Variants in KIF17 observed in about 807,000 individuals in gnomAD.
KIF17 encodes kinesin family member 17.
KIF17 carries 80 observed loss-of-function variants against 96.8 expected under a neutral mutation model. The ratio of observed to expected loss-of-function variants is 0.83; its 90% CI spans 0.69 to 1.00. The LOEUF (loss-of-function observed/expected upper bound fraction) is 1.00, where lower values mean the gene tolerates loss of function less well. Ranked by LOEUF, KIF17 falls within the 50% of genes least tolerant of loss-of-function variation. The pLI is 0.00. For missense variants in KIF17, 1,280 were observed against 1,372.9 expected, an observed-to-expected ratio of 0.93 and a Z score of 1.07; for synonymous variants, 567 against 587.5, an observed-to-expected ratio of 0.97 and a Z score of 0.51.
intron 6 of KIF17, among the ~76,000 whole-genome samples, chr1:20,695,073 GAC>G (rs1195728878): frequency 2.0e-5 from 3 of 151,704 alleles, no homozygotes; most frequent in African/African-American, 7.3e-5. Flanking sequence ...TGCACCCACA[GAC>G]ACACATGCAC....
chr1:20,694,705 C>T (rs535696), intron 6 of KIF17, among the ~76,000 whole-genome samples: 84,459 of 152,064 alleles, frequency 0.56, 24,808 homozygotes, highest in East Asian at 0.79. Context: ...GATGTAACCA[C>T]GCATTCTTTA....
Position 20,687,296 on chromosome 1 carries a change from G to A in KIF17, c.1938+92C>T. The A allele has an allele frequency of 2.2e-6, 3 of 1,384,954 alleles. No homozygotes were observed. The highest frequency in any genetic ancestry group is 2.3e-5 in the East Asian group (1 of 43,794). The allele number at this position is 1,384,954 out of a possible 1,614,324, so 85.8% of individuals were successfully genotyped here. ...CCACGGCCTGAGTGTCGGAGGCCAT[G>A]TGTGTGAACAGTGTGTGCACAGTGA... On this transcript the variant is annotated intron_variant, in intron 8 of 14. Transcript: ENST00000400463. The surrounding 1 kb of genome is among the most constrained non-coding windows in gnomAD (Gnocchi z 4.4).
Position 20,717,529 on chromosome 1 carries a change from C to A in KIF17, c.178G>T (p.Val60Leu). 6.2e-7 allele frequency: 1 copy of A among 1,611,656 alleles called. No individual in the cohort carries two copies. The highest frequency in any genetic ancestry group is 8.5e-7 in the Non-Finnish European group (1 of 1,179,518). The change falls in exon 1 of 15, where the codon GTG becomes TTG. Residue 60 changes from valine (V) to leucine (L), a missense_variant. Physicochemically the swap from Val to Leu is conservative, Grantham distance 32. Coordinates refer to ENST00000400463, the MANE Select transcript of KIF17 (RefSeq NM_001122819.3). Reference sequence around the variant, plus strand: ...TAGATCTGCTCGGTGACGTGGTCCACGTGGTAGGCGCCGTCGAAGGTGAAC... The same window carrying A: ...TAGATCTGCTCGGTGACGTGGTCCAAGTGGTAGGCGCCGTCGAAGGTGAAC... ...KQFTFDGAYHVDHVTEQIYNE... is the reference protein window; with the variant it reads ...KQFTFDGAYHLDHVTEQIYNE...
At chr1:20,702,872 C>T (rs2054261916) in intron 5 of KIF17, among the ~76,000 whole-genome samples, 1 of 152,192 alleles carries the variant, frequency 6.6e-6, no homozygotes, top group Admixed American at 6.5e-5. Context: ...ATTGGAGTGT[C>T]CTTCTTCCTC....
At chr1:20,713,371 CT>C in intron 3 of KIF17, 82 bp downstream of exon 3, 2 of 1,025,808 alleles carry the variant, frequency 1.9e-6, no homozygotes, top group Non-Finnish European at 3.0e-6. Context: ...CCTCAGGACA[CT>C]TTCCCATATT....
In KIF17 at chr1:20,709,415, CAGTG is replaced by C. The variant is rs1218858840; in HGVS notation, c.670+220_670+223del. 6.6e-6 allele frequency among the ~76,000 whole-genome samples: 1 copy of C among 152,162 alleles called. No homozygotes were observed. Among genetic ancestry groups the C allele is most frequent in the African/African-American group, 2.4e-5 (1 of 41,440 alleles). ...AAATAAATAAAAATTGTCTGGCACACAGTGAGCGCTCAATGTTGGCTCCCAGTGT... is the reference window on the plus strand; with the variant it reads ...AAATAAATAAAAATTGTCTGGCACACAGCGCTCAATGTTGGCTCCCAGTGT... On this transcript the variant is annotated intron_variant, in intron 4 of 14. Transcript: ENST00000400463. This position sits in a 1 kb window ranked among gnomAD's most constrained non-coding sequence, Gnocchi z 4.7.
intron 8 of KIF17, 108 bp from the exon 9 acceptor site, chr1:20,686,234 C>G: frequency 1.2e-6 from 1 of 819,678 alleles, no homozygotes; most frequent in Middle Eastern, 3.3e-4. Flanking sequence ...CTCCCACCAC[C>G]CCCCAACCTC....
At chr1:20,698,983 T>A (rs2054189253) in intron 5 of KIF17, among the ~76,000 whole-genome samples, 1 of 152,164 alleles carries the variant, frequency 6.6e-6, no homozygotes, top group Non-Finnish European at 1.5e-5. Flanking sequence ...AGGGTCTTGC[T>A]CTGCCACCCA....
intron 11 of KIF17, among the ~76,000 whole-genome samples, chr1:20,676,994 T>C (rs559482451): frequency 2.0e-5 from 3 of 152,216 alleles, no homozygotes; most frequent in East Asian, 3.9e-4. Context: ...GAGGATCACT[T>C]GAGCCCAGGA....
intron 11 of KIF17, 92 bp downstream of exon 11, chr1:20,682,561 C>A (rs1043931828): frequency 1.2e-5 from 13 of 1,052,268 alleles, no homozygotes; most frequent in Non-Finnish European, 1.9e-5. Context: ...TAGAGGGCTG[C>A]CTGGCTTCCT....
rs2054314748 is a variant in KIF17, at chr1:20,704,870, C to G, written c.700G>C (p.Gly234Arg). The change falls in exon 5 of 15, where the codon GGC (glycine) becomes CGC (arginine). Residue 234 changes from glycine (G) to arginine (R), a missense_variant. Transcript: ENST00000400463. This position sits in a 1 kb window ranked among gnomAD's most constrained non-coding sequence, Gnocchi z 6.8. ...DERGKDHLRA[G>R]KLNLVDLAGS... is the part of the protein sequence containing the mutation. ...GCCAGGTCCACCAGGTTCAGCTTGC[C>G]CGCCCGGAGGTGGTCCTTGCCCCGC... 1 of 1,601,772 alleles carries G rather than the reference C, an allele frequency of 6.2e-7. No individual in the cohort carries two copies. Among genetic ancestry groups the G allele is most frequent in the South Asian group, 1.1e-5 (1 of 91,084 alleles).
intron 4 of KIF17, among the ~76,000 whole-genome samples, chr1:20,708,468 C>A (rs2054380990): frequency 6.6e-6 from 1 of 152,150 alleles, no homozygotes; most frequent in Non-Finnish European, 1.5e-5. Context: ...TAATTCCTGA[C>A]CCTGATCCCT....
At chr1:20,679,444 C>T (rs576919610) in intron 11 of KIF17, among the ~76,000 whole-genome samples, 2 of 152,150 alleles carry the variant, frequency 1.3e-5, no homozygotes, top group Non-Finnish European at 2.9e-5. Context: ...TGTGCCACTG[C>T]ACTCCAGCCT....
intron 6 of KIF17, among the ~76,000 whole-genome samples, chr1:20,691,844 C>G (rs151290866): frequency 6.6e-5 from 10 of 152,332 alleles, no homozygotes; most frequent in African/African-American, 2.4e-4. Flanking sequence ...AGCAATATAT[C>G]ATGAACACCT....
chr1:20,672,197 C>G lies in KIF17; in HGVS notation c.2464-1G>C, dbSNP rs773630353. ...TGATCTCCACCTCTGCTGCCCGAAG[C>G]TGAAAGCAAAGGATGACAAGCAGTG... is the stretch of plus-strand genomic sequence containing the variant. On this transcript the variant is annotated splice_acceptor_variant, in intron 11 of 14. Transcript: ENST00000400463. LOFTEE classifies it high-confidence loss of function. This position sits in a 1 kb window ranked among gnomAD's most constrained non-coding sequence, Gnocchi z 4.3. 2.5e-6 allele frequency: 4 copies of G among 1,614,048 alleles called. No homozygotes were observed. Among genetic ancestry groups the G allele is most frequent in the Non-Finnish European group, 3.4e-6 (4 of 1,180,022 alleles).
Position 20,664,622 on chromosome 1 carries a change from T to TA in KIF17, c.3048dup (p.Lys1017Ter), listed in dbSNP as rs1436849601. ...CTGCCAAAGTTGCTTTTGCTTTTCTTACGCTTGGCCTTGGTGAAAGGGATG... is the reference window on the plus strand; with the variant it reads ...CTGCCAAAGTTGCTTTTGCTTTTCTTAACGCTTGGCCTTGGTGAAAGGGATG... On this transcript the variant is annotated frameshift_variant, in exon 15 of 15. Coordinates refer to ENST00000400463, the MANE Select transcript of KIF17 (RefSeq NM_001122819.3). LOFTEE classifies it high-confidence loss of function. 1.9e-6 allele frequency: 3 copies of TA among 1,578,276 alleles called. No homozygotes were observed. Among genetic ancestry groups the TA allele is most frequent in the Admixed American group, 1.7e-5 (1 of 58,700 alleles).
At chr1:20,712,973 C>CTA (rs1369803303) in intron 3 of KIF17, among the ~76,000 whole-genome samples, 1 of 131,728 alleles carries the variant, frequency 7.6e-6, no homozygotes, top group East Asian at 2.1e-4. Flanking sequence ...TATATATTAT[C>CTA]TATATATAGA....
chr1:20,704,659 G>A lies in KIF17; in HGVS notation c.911C>T (p.Thr304Ile), dbSNP rs144287595. The A allele has an allele frequency of 1.2e-6, 2 of 1,614,188 alleles. No individual in the cohort carries two copies. Among genetic ancestry groups the A allele is most frequent in the East Asian group, 2.2e-5 (1 of 44,882 alleles). Residue 304 changes from threonine (T) to isoleucine (I), a missense_variant, in exon 5 of 15, where the codon ACC becomes ATC. Thr to Ile is a moderately conservative substitution (Grantham distance 89). Coordinates refer to ENST00000400463, the MANE Select transcript of KIF17 (RefSeq NM_001122819.3). This position sits in a 1 kb window ranked among gnomAD's most constrained non-coding sequence, Gnocchi z 6.8. ...RLLQDSLGGNTKTLMVACLSP... is the reference protein window; with the variant it reads ...RLLQDSLGGNIKTLMVACLSP... ...CAGGCAGGCCACCATGAGCGTCTTG[G>A]TGTTGCCGCCCAGTGAGTCCTGCAG...
chr1:20,666,331 C>T lies in KIF17; in HGVS notation c.2791G>A (p.Glu931Lys), dbSNP rs149655237. The T allele has an allele frequency of 8.6e-5, 139 of 1,610,602 alleles. 2 individuals are homozygous for T. The highest frequency in any genetic ancestry group is 6.8e-4 in the Admixed American group (41 of 60,026). Reference protein sequence around the residue: ...SAADNGEPNMEDDRYRLMLSR... With the variant: ...SAADNGEPNMKDDRYRLMLSR... ...AGCATGAGCCTGTAGCGGTCGTCCT[C>T]CTGCCGAGATGCAGATGCCCGTGGT... Residue 931 changes from glutamate (E) to lysine (K), a missense_variant and splice_region_variant, in exon 14 of 15, where the codon GAG (glutamate) becomes AAG (lysine). Transcript: ENST00000400463.
Sources: gnomAD v4.1 joint callset for allele counts (sites outside exome capture counted in the v4.1 genomes callset) on GRCh38, gnomAD v4.1.1 for gene constraint, Gnocchi (gnomAD v3.1) non-coding constraint, MANE v1.5 for transcripts, NCBI Gene and HGNC (gene_info 2026-07-23, HGNC 2026-07-21) for gene names.